Variants in GPR160 observed in about 807,000 individuals in gnomAD.
GPR160 encodes the protein G protein-coupled receptor 160.
In GPR160, 2 loss-of-function variants were observed where a neutral mutation model predicts 2.6. That is an observed-to-expected ratio of 0.77 (90% CI 0.32 to 2.44). The LOEUF is 2.44. GPR160 is among the 30% of genes most tolerant of loss of function. The pLI is 0.11. For missense variants in GPR160, 351 were observed against 383.6 expected (o/e 0.91, Z 0.71); for synonymous variants, 130 against 132.2 (o/e 0.98, Z 0.12).
At chr3:170,056,740 G>A (rs1237939275) in intron 2 of GPR160, among the ~76,000 whole-genome samples, 7 of 152,178 alleles carry the variant, frequency 4.6e-5, no homozygotes, top group Non-Finnish European at 7.3e-5. Context: ...ACAGAATCAC[G>A]TGAAGGCTAA....
At chr3:170,063,655 C>T (rs1047605969) in intron 2 of GPR160, among the ~76,000 whole-genome samples, 2 of 150,892 alleles carry the variant, frequency 1.3e-5, no homozygotes, top group African/African-American at 4.9e-5. Context: ...TGGGACGTGT[C>T]CCCCACACCG....
At chr3:170,048,076 G>A (rs9841582) in intron 2 of GPR160, among the ~76,000 whole-genome samples, 7,197 of 152,222 alleles carry the variant, frequency 0.047, 522 homozygotes, top group African/African-American at 0.16. Flanking sequence ...TGATCCACCC[G>A]CCTTGGCCTC....
intron 2 of GPR160, among the ~76,000 whole-genome samples, chr3:170,053,485 T>A (rs927152539): frequency 6.6e-6 from 1 of 152,226 alleles, no homozygotes; most frequent in African/African-American, 2.4e-5. Flanking sequence ...ATTTATTAAT[T>A]CCAGTAGATT....
intron 2 of GPR160, among the ~76,000 whole-genome samples, chr3:170,049,097 C>T (rs895075451): frequency 5.9e-5 from 9 of 152,196 alleles, no homozygotes; most frequent in Non-Finnish European, 1.3e-4. Flanking sequence ...TCTCCCTTAA[C>T]GTAAGACCGT....
intron 2 of GPR160, chr3:170,062,642 A>C: frequency 1.4e-6 from 2 of 1,432,056 alleles, no homozygotes; most frequent in South Asian, 2.4e-5. Context: ...TTGTGATTCC[A>C]CCAATGCAGC....
At chr3:170,068,419 T>C (rs902836873) in intron 2 of GPR160, among the ~76,000 whole-genome samples, 1 of 152,130 alleles carries the variant, frequency 6.6e-6, no homozygotes, top group Non-Finnish European at 1.5e-5. Flanking sequence ...CCTCCCAGAG[T>C]GCTGGGATTA....
At chr3:170,060,240 A>T (rs1235108085) in intron 2 of GPR160, among the ~76,000 whole-genome samples, 1 of 152,242 alleles carries the variant, frequency 6.6e-6, no homozygotes, top group Non-Finnish European at 1.5e-5. Flanking sequence ...AACACATTTA[A>T]TAAAAATAAA....
intron 2 of GPR160, among the ~76,000 whole-genome samples, chr3:170,060,370 T>C (rs1576899288): frequency 6.6e-6 from 1 of 152,210 alleles, no homozygotes; most frequent in East Asian, 1.9e-4. Flanking sequence ...CAGGCAAGGA[T>C]AATAAACGGA....
At chr3:170,042,678 TA>T (rs1297515287) in intron 2 of GPR160, among the ~76,000 whole-genome samples, 12 of 143,322 alleles carry the variant, frequency 8.4e-5, no homozygotes, top group African/African-American at 3.1e-4. Flanking sequence ...AAAAAAAAAA[TA>T]AATAAATAAT....
In GPR160 at chr3:170,077,137, T is replaced by C. The variant is rs1712893944; in HGVS notation, c.-192-2637T>C. The C allele has an allele frequency of 2.0e-5, 3 of 152,314 alleles. No individual in the cohort carries two copies. The South Asian group carries it at 6.2e-4, about 32-fold the overall frequency. 9.4% of individuals were successfully genotyped at this position (152,314 alleles called of 1,614,324 possible). A position where few individuals can be genotyped will look rare whatever the true frequency, so the allele number is the denominator to read the frequency against. On this transcript the variant is annotated intron_variant, in intron 2 of 3. Coordinates refer to ENST00000355897, the MANE Select transcript of GPR160 (RefSeq NM_014373.3). ...TTCTCCCACAGGCTTGCTCCACTTA[T>C]CGGGCTCACCAAATACAGCTGCAGT...
intron 2 of GPR160, among the ~76,000 whole-genome samples, chr3:170,066,130 CTTTTTTTTTTTTTT>C (rs768660597): frequency 8.2e-5 from 7 of 85,168 alleles, no homozygotes; most frequent in African/African-American, 3.1e-4. Context: ...TTTTCTTTTT[CTTTTTTTTTTTTTT>C]TTTTTTTTTT....
intron 3 of GPR160, among the ~76,000 whole-genome samples, chr3:170,082,698 C>A (rs1169343016): frequency 6.6e-6 from 1 of 152,040 alleles, no homozygotes; most frequent in Non-Finnish European, 1.5e-5. Context: ...CAGGCTCAAG[C>A]GATCCTCTCA....
intron 2 of GPR160, among the ~76,000 whole-genome samples, chr3:170,050,241 T>C (rs1353223763): frequency 7.1e-6 from 1 of 140,520 alleles, no homozygotes; most frequent in African/African-American, 2.6e-5. Context: ...CTTCTTCTTC[T>C]TTTTTTTTTT....
intron 3 of GPR160, among the ~76,000 whole-genome samples, chr3:170,081,896 G>T (rs944052952): frequency 6.6e-6 from 1 of 152,214 alleles, no homozygotes; most frequent in Non-Finnish European, 1.5e-5. Flanking sequence ...TCCTGTGAAA[G>T]ACATGATCTC....
chr3:170,053,800 G>A (rs555741758), intron 2 of GPR160, among the ~76,000 whole-genome samples: 15 of 152,208 alleles, frequency 9.9e-5, no homozygotes, highest in African/African-American at 3.6e-4. Context: ...TATCATGAAT[G>A]GTTGTTGAAT....
chr3:170,045,636 T>G (rs985042206), intron 2 of GPR160, among the ~76,000 whole-genome samples: 3 of 151,754 alleles, frequency 2.0e-5, no homozygotes, highest in Admixed American at 2.0e-4. Context: ...AGAAGTGAGT[T>G]CAGAGGCTGA....
At chr3:170,052,812 A>G (rs1717014543) in intron 2 of GPR160, among the ~76,000 whole-genome samples, 1 of 152,210 alleles carries the variant, frequency 6.6e-6, no homozygotes, top group Admixed American at 6.5e-5. Flanking sequence ...GGTTGCAAAC[A>G]TATTCTCCTT....
chr3:170,084,347 TA>T lies in GPR160; in HGVS notation c.379del (p.Thr127GlnfsTer17). On this transcript the variant is annotated frameshift_variant, in exon 4 of 4. Transcript: ENST00000355897. LOFTEE classifies it low-confidence loss of function (END_TRUNC). Reference sequence around the variant, plus strand: ...GTATAGATTATTGCCTGAATTTCTCTAAAACAACCAAGCTTTCATTTAAGTG... The same window carrying T: ...GTATAGATTATTGCCTGAATTTCTCTAAACAACCAAGCTTTCATTTAAGTG... ...ACIDYCLNFS[K>X]TTKLSFKCQK... 1.2e-6 allele frequency: 2 copies of T among 1,609,324 alleles called. No homozygotes were observed. The highest frequency in any genetic ancestry group is 8.5e-7 in the Non-Finnish European group (1 of 1,176,950).
intron 2 of GPR160, among the ~76,000 whole-genome samples, chr3:170,066,609 C>CT (rs1383035506): frequency 6.6e-6 from 1 of 152,130 alleles, no homozygotes; most frequent in Non-Finnish European, 1.5e-5. Context: ...CCATAATCTA[C>CT]TTAATGGTTC....
Sources: gnomAD v4.1 joint callset for allele counts (sites outside exome capture counted in the v4.1 genomes callset) on GRCh38, gnomAD v4.1.1 for gene constraint, MANE v1.5 for transcripts, NCBI Gene and HGNC (gene_info 2026-07-23, HGNC 2026-07-21) for gene names.